KLHL6: variants seen among roughly 807,000 people sequenced by gnomAD.
The protein encoded by KLHL6 is kelch like family member 6.
A neutral mutation model predicts 58.6 loss-of-function variants in KLHL6; 41 were observed. That is an observed-to-expected ratio of 0.70 (90% CI 0.55 to 0.91). The LOEUF is 0.91. Among genes scored for constraint, KLHL6 ranks in the 40% least tolerant of loss-of-function variants. The probability of loss-of-function intolerance (pLI) is 0.00; values close to 1 mark genes in which losing one functional copy is unlikely to be tolerated. For synonymous variants in KLHL6, 338 were observed against 322.7 expected, an observed-to-expected ratio of 1.05 and a Z score of -0.51; for missense variants, 714 against 805.6, an observed-to-expected ratio of 0.89 and a Z score of 1.38.
intron 2 of KLHL6, among the ~76,000 whole-genome samples, chr3:183,525,269 A>ACACACACACACACACACACACACAC (rs1553811031): frequency 3.3e-3 from 444 of 133,824 alleles, no homozygotes; most frequent in Admixed American, 6.0e-3. Flanking sequence ...CTAAAAAAAA[A>ACACACACACACACACACACACACAC]ACACACACAC....
chr3:183,550,208 G>A (rs1476725703), intron 1 of KLHL6, among the ~76,000 whole-genome samples: 1 of 152,114 alleles, frequency 6.6e-6, no homozygotes, highest in East Asian at 1.9e-4. Context: ...AAAGATAAGA[G>A]GATGGACAAC....
At chr3:183,503,054 G>T (rs372827921) in intron 3 of KLHL6, among the ~76,000 whole-genome samples, 1 of 152,234 alleles carries the variant, frequency 6.6e-6, no homozygotes, top group Non-Finnish European at 1.5e-5. Flanking sequence ...AGTCTGAGAC[G>T]TGCCACTTTG....
At chr3:183,528,592 G>A (rs910105894) in intron 1 of KLHL6, among the ~76,000 whole-genome samples, 1 of 152,144 alleles carries the variant, frequency 6.6e-6, no homozygotes, top group Non-Finnish European at 1.5e-5. Context: ...CCCTCCCCAC[G>A]GCTGGACTTC....
intron 1 of KLHL6, among the ~76,000 whole-genome samples, chr3:183,531,738 G>A (rs1222156072): frequency 6.6e-6 from 1 of 152,156 alleles, no homozygotes; most frequent in Non-Finnish European, 1.5e-5. Flanking sequence ...GAGCCACCGT[G>A]CCCAGCCCCA....
At chr3:183,496,102 T>C (rs1255130310) in intron 4 of KLHL6, among the ~76,000 whole-genome samples, 1 of 152,102 alleles carries the variant, frequency 6.6e-6, no homozygotes, top group African/African-American at 2.4e-5. Flanking sequence ...TGTAGAATTG[T>C]ATAGGACAGA....
chr3:183,534,944 A>ATT (rs1443620974), intron 1 of KLHL6, among the ~76,000 whole-genome samples: 30 of 113,252 alleles, frequency 2.6e-4, no homozygotes, highest in African/African-American at 1.2e-3. Context: ...ATATATATAT[A>ATT]TATATATTTT....
In KLHL6 at chr3:183,508,193, C is replaced by G. The variant is rs1405916127; in HGVS notation, c.775G>C (p.Glu259Gln). Residue 259 changes from glutamate (E) to glutamine (Q), a missense_variant, in exon 3 of 7, where the codon GAG (glutamate) becomes CAG (glutamine). Transcript: ENST00000341319. Reference sequence around the variant, plus strand: ...TCCAGAAGCGGTAAGCGCACGTTCTCGAGGACATAGGGGAGTAAGCAGAGT... The same window carrying G: ...TCCAGAAGCGGTAAGCGCACGTTCTGGAGGACATAGGGGAGTAAGCAGAGT... The part of the protein sequence containing the change: ...ERLCLLPYVL[E>Q]NVRLPLLDPW... 6.2e-7 allele frequency: 1 copy of G among 1,614,186 alleles called. No individual in the cohort carries two copies. Among genetic ancestry groups the G allele is most frequent in the Non-Finnish European group, 8.5e-7 (1 of 1,180,044 alleles).
chr3:183,527,822 A>C (rs1028204422), intron 2 of KLHL6, 23 bp downstream of exon 2: 2 of 1,612,412 alleles, frequency 1.2e-6, no homozygotes, highest in Non-Finnish European at 1.7e-6. Context: ...AGAGAAGAGC[A>C]CTGAGCCAGT....
At chr3:183,527,425 AAGG>A (rs1712010963) in intron 2 of KLHL6, among the ~76,000 whole-genome samples, 1 of 152,194 alleles carries the variant, frequency 6.6e-6, no homozygotes, top group Non-Finnish European at 1.5e-5. Context: ...CCAAAACTGA[AAGG>A]AGAACAGAAA....
rs371968803 is a variant in KLHL6 at position 183,489,172 on chromosome 3, G to A, written c.*2755C>T. 3.1e-4 allele frequency: 47 copies of A among 152,310 alleles called. 1 individual carries two copies. Among genetic ancestry groups the A allele is most frequent in the African/African-American group, 1.0e-3 (43 of 41,570 alleles). 9.4% of individuals were successfully genotyped at this position (152,310 alleles called of 1,614,324 possible). On this transcript the variant is annotated 3_prime_UTR_variant, in exon 7 of 7. Transcript: ENST00000341319. Reference sequence around the variant, plus strand: ...CATCCCCTCCCTGACTAGGGGCGCTGTCTTTTTGAAGGGAGGCTCCCTGTG... The same window carrying A: ...CATCCCCTCCCTGACTAGGGGCGCTATCTTTTTGAAGGGAGGCTCCCTGTG...
At position 183,506,316 on chromosome 3, in the gene KLHL6, T is replaced by C. The variant is rs76647091; in HGVS notation, c.909+1743A>G. On this transcript the variant is annotated intron_variant, in intron 3 of 6. Coordinates refer to ENST00000341319, the MANE Select transcript of KLHL6 (RefSeq NM_130446.4). ...AAATGACATGTTTATTCACCGTTCG[T>C]AGTACCCATTTAATCATTCAACAAG... Among the ~76,000 whole-genome samples, 20 of 152,390 alleles carry C rather than the reference T, an allele frequency of 1.3e-4. No individual in the cohort carries two copies. The East Asian group carries it at 3.9e-3, about 29-fold the overall frequency.
chr3:183,534,462 G>C (rs888184088), intron 1 of KLHL6, among the ~76,000 whole-genome samples: 1 of 151,880 alleles, frequency 6.6e-6, no homozygotes, highest in African/African-American at 2.4e-5. Flanking sequence ...GGAGTGCAGC[G>C]GCACGACCAC....
At chr3:183,506,901 T>G (rs1451505272) in intron 3 of KLHL6, among the ~76,000 whole-genome samples, 1 of 151,954 alleles carries the variant, frequency 6.6e-6, no homozygotes, top group Non-Finnish European at 1.5e-5. Context: ...GAGAAAGTGA[T>G]GCTTGGACTG....
At chr3:183,495,579 C>CAAAA (rs11459693) in intron 4 of KLHL6, among the ~76,000 whole-genome samples, 1 of 142,630 alleles carries the variant, frequency 7.0e-6, no homozygotes, top group Admixed American at 6.9e-5. Flanking sequence ...TATTTTAGGA[C>CAAAA]AAAAAAAAAA....
intron 1 of KLHL6, among the ~76,000 whole-genome samples, chr3:183,543,930 G>C (rs759235080): frequency 6.6e-6 from 1 of 152,146 alleles, no homozygotes; most frequent in Non-Finnish European, 1.5e-5. Flanking sequence ...TTGGGAGGCC[G>C]AGGCAGGCGG....
intron 1 of KLHL6, among the ~76,000 whole-genome samples, chr3:183,531,533 T>G (rs1712164275): frequency 7.4e-6 from 1 of 134,766 alleles, no homozygotes; most frequent in Admixed American, 8.0e-5. Context: ...CACTGCAAAC[T>G]CCACCTCCCG....
chr3:183,535,917 A>T (rs1348580254), intron 1 of KLHL6, among the ~76,000 whole-genome samples: 3 of 152,190 alleles, frequency 2.0e-5, no homozygotes, highest in African/African-American at 7.2e-5. Context: ...CTAGGGCTAC[A>T]GGCGCCCGCC....
At chr3:183,548,999 G>A (rs1326187499) in intron 1 of KLHL6, 1 of 151,666 alleles carries the variant, frequency 6.6e-6, no homozygotes, top group Non-Finnish European at 1.5e-5. Flanking sequence ...CTGTCGGCGG[G>A]TGGGGGACAA....
chr3:183,492,471 A>T lies in KLHL6; in HGVS notation c.1564+23T>A. ...GCTCATCAGGTTCTAAGCCATTCAG[A>T]CCAATAAGAAGCCATTACTCACCAA... On this transcript the variant is annotated intron_variant, in intron 6 of 6. Coordinates refer to ENST00000341319, the MANE Select transcript of KLHL6 (RefSeq NM_130446.4). This position sits in a 1 kb window ranked among gnomAD's most constrained non-coding sequence, Gnocchi z 5.9. 6.2e-7 allele frequency: 1 copy of T among 1,612,678 alleles called. No homozygotes were observed. Among genetic ancestry groups the T allele is most frequent in the African/African-American group, 1.3e-5 (1 of 74,996 alleles).
Sources: gnomAD v4.1 joint callset for allele counts (sites outside exome capture counted in the v4.1 genomes callset) on GRCh38, gnomAD v4.1.1 for gene constraint, Gnocchi (gnomAD v3.1) non-coding constraint, MANE v1.5 for transcripts, NCBI Gene and HGNC (gene_info 2026-07-23, HGNC 2026-07-21) for gene names.